SDK1: variants seen among roughly 807,000 people sequenced by gnomAD.
SDK1 encodes sidekick cell adhesion molecule 1.
Under a neutral mutation model 245.5 loss-of-function variants are expected in SDK1, and 157 were observed. The ratio of observed to expected loss-of-function variants is 0.64; its 90% CI spans 0.56 to 0.73. SDK1 has a LOEUF of 0.73. Among genes scored for constraint, SDK1 ranks in the 30% least tolerant of loss-of-function variants. The pLI, the probability that SDK1 is intolerant of heterozygous loss-of-function variation, is 0.00. For synonymous variants in SDK1, 1,647 were observed against 1,278.5 expected, an observed-to-expected ratio of 1.29 and a Z score of -6.15; for missense variants, 3,583 against 3,002.3, an observed-to-expected ratio of 1.19 and a Z score of -4.52.
chr7:4,101,005 C>T (rs547702576), intron 22 of SDK1, among the ~76,000 whole-genome samples: 3 of 152,260 alleles, frequency 2.0e-5, no homozygotes, highest in Admixed American at 6.5e-5. Flanking sequence ...GAGGCCTATG[C>T]GGAGGTGCAC....
At chr7:4,120,626 C>CT (rs1182090939) in intron 25 of SDK1, among the ~76,000 whole-genome samples, 7 of 137,992 alleles carry the variant, frequency 5.1e-5, no homozygotes, top group South Asian at 4.9e-4. Context: ...AAATAATACT[C>CT]TTTTTTTTGA....
intron 1 of SDK1, among the ~76,000 whole-genome samples, chr7:3,441,315 CT>C (rs1780189874): frequency 6.6e-6 from 1 of 151,934 alleles, no homozygotes; most frequent in Non-Finnish European, 1.5e-5. Flanking sequence ...TGACTGGGGC[CT>C]TTGAATGTAT....
chr7:3,807,021 A>G (rs553030293), intron 4 of SDK1, among the ~76,000 whole-genome samples: 2 of 152,174 alleles, frequency 1.3e-5, no homozygotes, highest in African/African-American at 2.4e-5. Flanking sequence ...CACCCAGGCA[A>G]ATCTGAAGTT....
intron 1 of SDK1, among the ~76,000 whole-genome samples, chr7:3,461,857 G>T (rs1482815307): frequency 6.6e-6 from 1 of 151,998 alleles, no homozygotes; most frequent in Non-Finnish European, 1.5e-5. Flanking sequence ...ATCTTTTTCT[G>T]TCTTCCTAGG....
intron 40 of SDK1, chr7:4,227,074 T>C: frequency 3.8e-6 from 1 of 266,114 alleles, no homozygotes; most frequent in Non-Finnish European, 7.3e-6. Context: ...CTGGGGGCTT[T>C]CCAGTTCCCT....
chr7:3,803,243 T>C (rs1441177870), intron 4 of SDK1, among the ~76,000 whole-genome samples: 1 of 152,174 alleles, frequency 6.6e-6, no homozygotes, highest in East Asian at 1.9e-4. Flanking sequence ...GTTTACATAT[T>C]CTCTTTGGTC....
chr7:4,049,719 T>G (rs926195412), intron 18 of SDK1, among the ~76,000 whole-genome samples: 1 of 152,206 alleles, frequency 6.6e-6, no homozygotes, highest in African/African-American at 2.4e-5. Context: ...CATTCATTTT[T>G]AAATGGTGGG....
At chr7:3,662,857 G>T (rs1161518048) in intron 4 of SDK1, among the ~76,000 whole-genome samples, 3 of 152,132 alleles carry the variant, frequency 2.0e-5, no homozygotes, top group Admixed American at 6.5e-5. Flanking sequence ...TTCAGACTTT[G>T]GGATCTGAGA....
chr7:3,443,108 G>T (rs1780244701), intron 1 of SDK1, among the ~76,000 whole-genome samples: 1 of 151,140 alleles, frequency 6.6e-6, no homozygotes, highest in South Asian at 2.1e-4. Flanking sequence ...AAGTTTCAGG[G>T]TTATATCCTT....
intron 14 of SDK1, among the ~76,000 whole-genome samples, chr7:3,998,454 T>C (rs1784839887): frequency 6.6e-6 from 1 of 152,270 alleles, no homozygotes; most frequent in African/African-American, 2.4e-5. Flanking sequence ...ATGTTTTATT[T>C]CTAAGCAAAT....
rs80271843 is a variant in SDK1, at chr7:3,884,781, G to A, written c.847+63198G>A. On this transcript the variant is annotated intron_variant, in intron 5 of 44. Coordinates refer to ENST00000404826, the MANE Select transcript of SDK1 (RefSeq NM_152744.4). ...CTCTATAAATAGTTACATCTCTGGTGTGGCTCCTTCCAACTTGTGAAGGAC... is the reference window on the plus strand; with the variant it reads ...CTCTATAAATAGTTACATCTCTGGTATGGCTCCTTCCAACTTGTGAAGGAC... 5.2e-3 allele frequency among the ~76,000 whole-genome samples: 791 copies of A among 152,288 alleles called. 7 individuals are homozygous for A. Among genetic ancestry groups the A allele is most frequent in the African/African-American group, 0.018 (733 of 41,546 alleles).
chr7:4,009,758 T>TA (rs1785789269), intron 14 of SDK1, among the ~76,000 whole-genome samples: 1 of 152,256 alleles, frequency 6.6e-6, no homozygotes, highest in Non-Finnish European at 1.5e-5. Flanking sequence ...AGATTCTGAA[T>TA]TAGTGATAGA....
intron 14 of SDK1, among the ~76,000 whole-genome samples, chr7:3,998,449 T>G (rs2128143392): frequency 6.6e-6 from 1 of 152,382 alleles, no homozygotes; most frequent in Admixed American, 6.5e-5. Flanking sequence ...GGAAAATGTT[T>G]TATTTCTAAG....
intron 1 of SDK1, among the ~76,000 whole-genome samples, chr7:3,455,820 G>C (rs1482895730): frequency 2.6e-5 from 4 of 152,166 alleles, no homozygotes; most frequent in Non-Finnish European, 5.9e-5. Flanking sequence ...AAAAAACTTT[G>C]CTGAGATTTT....
intron 1 of SDK1, among the ~76,000 whole-genome samples, chr7:3,418,924 G>A (rs781572469): frequency 3.3e-5 from 5 of 152,134 alleles, no homozygotes; most frequent in Non-Finnish European, 7.4e-5. Context: ...TAAAAAGAGG[G>A]TATCTCTAGG....
intron 1 of SDK1, among the ~76,000 whole-genome samples, chr7:3,470,236 T>C (rs1448650423): frequency 5.3e-5 from 8 of 152,180 alleles, no homozygotes; most frequent in African/African-American, 1.9e-4. Context: ...TAAACAAATA[T>C]GCACAGAATG....
chr7:3,548,766 C>T (rs1049213562), intron 1 of SDK1, among the ~76,000 whole-genome samples: 15 of 152,186 alleles, frequency 9.9e-5, no homozygotes, highest in Non-Finnish European at 1.2e-4. Context: ...GTACTCCCAT[C>T]TTCCTTTTAT....
Position 3,868,450 on chromosome 7 carries a change from G to C in SDK1, c.847+46867G>C, listed in dbSNP as rs1037400956. ...AAAGAAAGCCACCTTATCAAAGTCAGCTTTACAGACTAGGTGACAACTGGT... is the reference window on the plus strand; with the variant it reads ...AAAGAAAGCCACCTTATCAAAGTCACCTTTACAGACTAGGTGACAACTGGT... On this transcript the variant is annotated intron_variant, in intron 5 of 44. Transcript: ENST00000404826. 2.6e-5 allele frequency among the ~76,000 whole-genome samples: 4 copies of C among 152,284 alleles called. No individual in the cohort carries two copies. The East Asian group carries it at 7.7e-4, about 29-fold the overall frequency.
intron 1 of SDK1, among the ~76,000 whole-genome samples, chr7:3,542,028 C>A (rs1394606479): frequency 2.0e-5 from 3 of 152,172 alleles, no homozygotes; most frequent in Admixed American, 2.0e-4. Context: ...ACATTGTGCA[C>A]ATGTACCCTC....
Sources: gnomAD v4.1 joint callset for allele counts (sites outside exome capture counted in the v4.1 genomes callset) on GRCh38, gnomAD v4.1.1 for gene constraint, MANE v1.5 for transcripts, NCBI Gene and HGNC (gene_info 2026-07-23, HGNC 2026-07-21) for gene names.